The following VWA8 variants were observed in gnomAD, a reference collection of about 807,000 sequenced individuals.
VWA8 encodes the protein von Willebrand factor A domain containing 8.
Under a neutral mutation model 241.5 loss-of-function variants are expected in VWA8, and 221 were observed. The ratio of observed to expected loss-of-function variants is 0.91; its 90% confidence interval spans 0.82 to 1.02. The LOEUF is 1.02. Among genes scored for constraint, VWA8 ranks in the 50% least tolerant of loss-of-function variants. VWA8 has a pLI of 0.00. For synonymous variants in VWA8, 852 were observed against 827.1 expected (o/e 1.03, Z -0.52); for missense variants, 2,322 against 2,328.7 (o/e 1.00, Z 0.06).
chr13:41,688,839 G>A (rs1039353881), intron 34 of VWA8, among the ~76,000 whole-genome samples: 3 of 152,038 alleles, frequency 2.0e-5, no homozygotes, highest in Non-Finnish European at 2.9e-5. Context: ...GAGAGTGGGA[G>A]GAGGGTGAGG....
At chr13:41,615,217 C>T in intron 37 of VWA8, 133 bp from the exon 38 acceptor site, 1 of 844,254 alleles carries the variant, frequency 1.2e-6, no homozygotes, top group Non-Finnish European at 1.8e-6. Flanking sequence ...TTGATAAATG[C>T]TGTGAGTATT....
chr13:41,874,119 T>G (rs1395094912), intron 9 of VWA8, among the ~76,000 whole-genome samples: 3 of 151,772 alleles, frequency 2.0e-5, no homozygotes, highest in African/African-American at 2.4e-5. Flanking sequence ...AAAAGGCCTT[T>G]GACAAAATTC....
At chr13:41,604,491 G>A (rs530590206) in intron 40 of VWA8, among the ~76,000 whole-genome samples, 1 of 151,800 alleles carries the variant, frequency 6.6e-6, no homozygotes, top group Non-Finnish European at 1.5e-5. Context: ...TTAAAATGGT[G>A]GATTAAAAAC....
chr13:41,773,946 C>T (rs542886768), intron 20 of VWA8, among the ~76,000 whole-genome samples: 22 of 152,290 alleles, frequency 1.4e-4, no homozygotes, highest in Admixed American at 2.6e-4. Context: ...TAACTATTTA[C>T]TCTCTTGAGT....
chr13:41,719,399 A>G (rs765157100), intron 26 of VWA8, 192 bp downstream of exon 26: 20 of 1,412,508 alleles, frequency 1.4e-5, no homozygotes, highest in Admixed American at 3.2e-5. Context: ...ATAATAATCA[A>G]AATTTTCAAT....
At chr13:41,862,610 T>C (rs577799674) in intron 12 of VWA8, among the ~76,000 whole-genome samples, 6 of 152,120 alleles carry the variant, frequency 3.9e-5, no homozygotes, top group South Asian at 2.1e-4. Flanking sequence ...ACTTAAAAAA[T>C]TGGCAAAGGG....
Position 41,819,563 on chromosome 13 carries a change from AAAAC to A in VWA8, c.1701-181_1701-178del, listed in dbSNP as rs1313818417. Among the ~76,000 whole-genome samples the A allele has an allele frequency of 5.3e-5, 8 of 152,248 alleles. No individual in the cohort carries two copies. In the South Asian group the frequency reaches 1.0e-3, roughly 20 times the overall value. On this transcript the variant is annotated intron_variant, in intron 14 of 44. Transcript: ENST00000379310. The stretch of plus-strand genomic sequence containing the variant: ...CAGGACATTCTAAGAACCTAAGATC[AAAAC>A]AAACAATCACCTACTACCACTGCTA...
At chr13:41,658,730 T>C (rs779194568) in intron 37 of VWA8, among the ~76,000 whole-genome samples, 3 of 152,216 alleles carry the variant, frequency 2.0e-5, no homozygotes, top group Admixed American at 2.0e-4. Context: ...ATCACTCCCA[T>C]GTCCACCCTT....
chr13:41,625,666 C>T (rs1566392652), intron 37 of VWA8, among the ~76,000 whole-genome samples: 3 of 152,012 alleles, frequency 2.0e-5, no homozygotes, highest in Non-Finnish European at 4.4e-5. Context: ...TTGTGGAAGA[C>T]AGTGTGGCGA....
intron 37 of VWA8, among the ~76,000 whole-genome samples, chr13:41,631,779 T>C (rs1253788798): frequency 1.3e-5 from 2 of 152,142 alleles, no homozygotes; most frequent in African/African-American, 4.8e-5. Context: ...GGAAACCAAA[T>C]GTTATCATTG....
intron 20 of VWA8, among the ~76,000 whole-genome samples, chr13:41,772,521 T>A (rs2045832382): frequency 6.6e-6 from 1 of 152,194 alleles, no homozygotes; most frequent in Non-Finnish European, 1.5e-5. Context: ...TATAATGTTA[T>A]AATTACAGTA....
chr13:41,936,338 T>C (rs971378471), intron 2 of VWA8, among the ~76,000 whole-genome samples: 1 of 152,206 alleles, frequency 6.6e-6, no homozygotes, highest in Non-Finnish European at 1.5e-5. Flanking sequence ...TCCTCTTTTA[T>C]GTTGTGCCTG....
rs562090192 is a variant in VWA8 at position 41,688,089 on chromosome 13, A to C, written c.4131+1265T>G. ...AAAGCATATAAAACACATCTCTTTC[A>C]TATCAAGGCTGCTATAAACACTGTA... On this transcript the variant is annotated intron_variant, in intron 34 of 44. Transcript: ENST00000379310. Among the ~76,000 whole-genome samples, 12 of 152,238 alleles carry C rather than the reference A, an allele frequency of 7.9e-5. No individual in the cohort carries two copies. In the East Asian group the frequency reaches 2.3e-3, roughly 29 times the overall value.
At chr13:41,824,286 G>A (rs192197915) in intron 14 of VWA8, among the ~76,000 whole-genome samples, 1 of 152,090 alleles carries the variant, frequency 6.6e-6, no homozygotes, top group East Asian at 1.9e-4. Context: ...CCTAAACACT[G>A]TAGGCGATGG....
intron 2 of VWA8, among the ~76,000 whole-genome samples, chr13:41,943,080 G>C (rs1877676536): frequency 1.3e-5 from 2 of 151,816 alleles, no homozygotes; most frequent in African/African-American, 4.8e-5. Flanking sequence ...TGTTAGAAGA[G>C]GAACTAAAAT....
rs548902865 is a variant in VWA8, at chr13:41,927,275, C to T, written c.242-15107G>A. 1.8e-3 allele frequency: 918 copies of T among 508,810 alleles called. 19 individuals are homozygous for T. The highest frequency in any genetic ancestry group is 0.013 in the South Asian group (904 of 67,378). 31.5% of individuals were successfully genotyped at this position (508,810 alleles called of 1,614,324 possible). On this transcript the variant is annotated intron_variant, in intron 2 of 44. Coordinates refer to ENST00000379310, the MANE Select transcript of VWA8 (RefSeq NM_015058.2). ...ATCAAGGAAGTACTTCTATTTCCTG[C>T]TATAAAACCCAAAGACAAGGAGAAT... is the stretch of plus-strand genomic sequence containing the variant.
chr13:41,881,369 T>G (rs1310690636), intron 9 of VWA8, among the ~76,000 whole-genome samples: 4 of 2,220 alleles, frequency 1.8e-3, no homozygotes, highest in African/African-American at 4.3e-3. Flanking sequence ...AGTTTTTTTT[T>G]GCCGGGGGGG....
chr13:41,857,690 A>G (rs930814574), intron 12 of VWA8, among the ~76,000 whole-genome samples: 1 of 152,190 alleles, frequency 6.6e-6, no homozygotes, highest in Non-Finnish European at 1.5e-5. Flanking sequence ...GGAATTTGAA[A>G]TGACATTTAA....
chr13:41,701,791 A>G (rs1488922560), intron 27 of VWA8, among the ~76,000 whole-genome samples: 1 of 152,178 alleles, frequency 6.6e-6, no homozygotes, highest in Non-Finnish European at 1.5e-5. Context: ...GTAAAATCCT[A>G]TAGCATTTCT....
Sources: gnomAD v4.1 joint callset for allele counts (sites outside exome capture counted in the v4.1 genomes callset) on GRCh38, gnomAD v4.1.1 for gene constraint, MANE v1.5 for transcripts, NCBI Gene and HGNC (gene_info 2026-07-23, HGNC 2026-07-21) for gene names.